Variants in DLG2 observed in about 807,000 individuals in gnomAD.
DLG2 encodes disks large homolog 2.
A neutral mutation model predicts 132.5 loss-of-function variants in DLG2; 45 were observed. The observed-to-expected ratio is 0.34, with a 90% CI of 0.27 to 0.44. The LOEUF (loss-of-function observed/expected upper bound fraction) is 0.44. Among genes scored for constraint, DLG2 ranks in the 20% least tolerant of loss-of-function variants. The pLI is 1.00. For missense variants in DLG2, 1,045 were observed against 1,196.9 expected (o/e 0.87, Z 1.87); for synonymous variants, 424 against 419.6 (o/e 1.01, Z -0.13).
chr11:84,433,037 A>G (rs895788764), intron 7 of DLG2, among the ~76,000 whole-genome samples: 7 of 152,072 alleles, frequency 4.6e-5, no homozygotes, highest in African/African-American at 1.7e-4. Context: ...AATTCAAAAA[A>G]AGTTTTCCAA....
intron 6 of DLG2, among the ~76,000 whole-genome samples, chr11:84,651,421 T>C (rs1450428414): frequency 1.3e-5 from 2 of 152,186 alleles, no homozygotes; most frequent in African/African-American, 4.8e-5. Flanking sequence ...AGTGATACTC[T>C]TCATACTAAG....
At chr11:84,768,269 T>C (rs943279562) in intron 6 of DLG2, among the ~76,000 whole-genome samples, 9 of 152,214 alleles carry the variant, frequency 5.9e-5, no homozygotes, top group Non-Finnish European at 1.2e-4. Context: ...CGTTATTCTA[T>C]AGCTTATGAC....
intron 6 of DLG2, among the ~76,000 whole-genome samples, chr11:84,535,628 G>A (rs2099353559): frequency 6.6e-6 from 1 of 151,932 alleles, no homozygotes; most frequent in African/African-American, 2.4e-5. Flanking sequence ...CTCCATTTTT[G>A]GCCTCAGCCT....
chr11:84,578,840 T>C (rs2099509623), intron 6 of DLG2, among the ~76,000 whole-genome samples: 6 of 152,098 alleles, frequency 3.9e-5, no homozygotes. Flanking sequence ...GCTGTGACCC[T>C]ACCGAAATCT....
rs185755081 is a variant in DLG2, at chr11:85,313,035, T to C, written c.41-27670A>G. 8.4e-3 allele frequency among the ~76,000 whole-genome samples: 1,285 copies of C among 152,102 alleles called. 15 individuals are homozygous for C. Among genetic ancestry groups the C allele is most frequent in the Non-Finnish European group, 0.013 (909 of 67,916 alleles). On this transcript the variant is annotated intron_variant, in intron 3 of 27. Coordinates refer to ENST00000376104, the MANE Select transcript of DLG2 (RefSeq NM_001142699.3). ...ATTTGGCTGTGGCTATATAACTGAA[T>C]TATGGCTTTTGAGACGAGACCATAC...
chr11:84,834,564 A>G (rs1480408255), intron 6 of DLG2, among the ~76,000 whole-genome samples: 2 of 151,650 alleles, frequency 1.3e-5, no homozygotes, highest in African/African-American at 4.8e-5. Flanking sequence ...AAAAATAAAA[A>G]TGAATGGTGA....
chr11:85,266,320 C>T (rs911501194), intron 4 of DLG2, among the ~76,000 whole-genome samples: 1 of 152,194 alleles, frequency 6.6e-6, no homozygotes, highest in African/African-American at 2.4e-5. Context: ...CTTGCCAGTG[C>T]CAAAGCAGCC....
chr11:84,803,782 A>T (rs2075693513), intron 6 of DLG2, among the ~76,000 whole-genome samples: 2 of 152,210 alleles, frequency 1.3e-5, no homozygotes, highest in South Asian at 4.1e-4. Context: ...TACCTCAAGC[A>T]TTCTCTGCCA....
Position 83,711,938 on chromosome 11 carries a change from A to T in DLG2, c.1825+74752T>A, listed in dbSNP as rs181375758. ...ATGCAAATCAAAACCACAACGAGATACTATCTCATGCCAGTCAGAATAGCT... is the reference window on the plus strand; with the variant it reads ...ATGCAAATCAAAACCACAACGAGATTCTATCTCATGCCAGTCAGAATAGCT... On this transcript the variant is annotated intron_variant, in intron 18 of 27. Transcript: ENST00000376104. 1.7e-3 allele frequency among the ~76,000 whole-genome samples: 262 copies of T among 152,332 alleles called. 3 individuals carry two copies. The highest frequency in any genetic ancestry group is 0.016 in the Admixed American group (240 of 15,292).
intron 18 of DLG2, among the ~76,000 whole-genome samples, chr11:83,784,046 A>G (rs1344761359): frequency 1.3e-5 from 2 of 152,340 alleles, no homozygotes; most frequent in East Asian, 1.9e-4. Context: ...TACATTTAGG[A>G]AATTTTTGAT....
chr11:83,847,861 T>C (rs1266916645), intron 16 of DLG2, among the ~76,000 whole-genome samples: 4 of 152,234 alleles, frequency 2.6e-5, no homozygotes, highest in Non-Finnish European at 5.9e-5. Flanking sequence ...TTGGCCTCTC[T>C]TCAGCTTTTG....
chr11:83,720,405 A>G (rs371228659), intron 18 of DLG2, among the ~76,000 whole-genome samples: 29 of 151,280 alleles, frequency 1.9e-4, no homozygotes, highest in Admixed American at 1.8e-3. Flanking sequence ...TTCCACTACA[A>G]AAGGTACTCC....
chr11:84,463,074 C>T (rs2099084752), intron 7 of DLG2, among the ~76,000 whole-genome samples: 1 of 151,138 alleles, frequency 6.6e-6, no homozygotes, highest in African/African-American at 2.4e-5. Context: ...ATCTCTGAGC[C>T]AGCACCTTTG....
At chr11:83,729,599 C>T (rs1050213923) in intron 18 of DLG2, among the ~76,000 whole-genome samples, 1 of 152,174 alleles carries the variant, frequency 6.6e-6, no homozygotes, top group Non-Finnish European at 1.5e-5. Flanking sequence ...TTCAAACCAG[C>T]TGGACCAGCC....
chr11:84,063,958 T>C (rs2096631136), intron 10 of DLG2, among the ~76,000 whole-genome samples: 1 of 133,176 alleles, frequency 7.5e-6, no homozygotes, highest in Non-Finnish European at 1.6e-5. Flanking sequence ...CACCGGGGCC[T>C]GTTGTGGGGT....
chr11:85,086,327 T>C (rs895519580), intron 6 of DLG2, among the ~76,000 whole-genome samples: 1 of 152,114 alleles, frequency 6.6e-6, no homozygotes, highest in Non-Finnish European at 1.5e-5. Flanking sequence ...ATCTTACTCA[T>C]CAAATAAACT....
chr11:83,946,444 T>C (rs2083984610), intron 14 of DLG2, among the ~76,000 whole-genome samples: 1 of 152,202 alleles, frequency 6.6e-6, no homozygotes, highest in South Asian at 2.1e-4. Context: ...ATTTGGTAGA[T>C]CTGGCATGGG....
intron 3 of DLG2, among the ~76,000 whole-genome samples, chr11:85,339,064 T>C (rs1276664821): frequency 6.6e-6 from 1 of 152,242 alleles, no homozygotes; most frequent in Non-Finnish European, 1.5e-5. Flanking sequence ...CAGACATCTG[T>C]GTATTTTTTA....
chr11:84,252,608 C>A (rs1244282824), intron 7 of DLG2, among the ~76,000 whole-genome samples: 1 of 152,052 alleles, frequency 6.6e-6, no homozygotes. Context: ...CTGTGTAAAA[C>A]TGATACAGGA....
Sources: allele counts gnomAD v4.1 joint callset (sites outside exome capture counted in the v4.1 genomes callset), GRCh38; gene constraint gnomAD v4.1.1; transcripts MANE v1.5; gene names NCBI Gene and HGNC (gene_info 2026-07-23, HGNC 2026-07-21).